Variants in APPBP2 observed in about 807,000 individuals in gnomAD.
APPBP2 encodes amyloid beta precursor protein binding protein 2.
In APPBP2, 15 loss-of-function variants were observed where a neutral mutation model predicts 76.0. The observed-to-expected ratio is 0.20, with a 90% CI of 0.13 to 0.30. The LOEUF (loss-of-function observed/expected upper bound fraction) is 0.30, where lower values mean the gene tolerates loss of function less well. APPBP2 is among the 10% of genes least tolerant of loss of function. The pLI is 1.00. For missense variants in APPBP2, 401 were observed against 687.2 expected (o/e 0.58, Z 4.66); for synonymous variants, 222 against 242.2 (o/e 0.92, Z 0.77).
chr17:60,465,829 CT>C (rs1169468939), intron 5 of APPBP2, among the ~76,000 whole-genome samples: 1 of 152,134 alleles, frequency 6.6e-6, no homozygotes, highest in Non-Finnish European at 1.5e-5. Context: ...ACAAACACTC[CT>C]TTTGCCTGAT....
chr17:60,516,691 G>A (rs1345877687), intron 1 of APPBP2, among the ~76,000 whole-genome samples: 2 of 152,318 alleles, frequency 1.3e-5, no homozygotes, highest in African/African-American at 4.8e-5. Context: ...ATTCATAAGT[G>A]TATATATCTT....
At chr17:60,522,478 C>T (rs1263412741) in intron 1 of APPBP2, among the ~76,000 whole-genome samples, 1 of 152,124 alleles carries the variant, frequency 6.6e-6, no homozygotes, top group Non-Finnish European at 1.5e-5. Flanking sequence ...CATGCACCAC[C>T]ATGCCTGGAT....
chr17:60,486,139 T>A (rs538615650), intron 3 of APPBP2, among the ~76,000 whole-genome samples: 3 of 152,198 alleles, frequency 2.0e-5, no homozygotes, highest in Non-Finnish European at 4.4e-5. Context: ...AATTTTGGAA[T>A]AAGTACGATG....
chr17:60,504,323 T>C (rs1222476638), intron 1 of APPBP2, among the ~76,000 whole-genome samples: 1 of 152,124 alleles, frequency 6.6e-6, no homozygotes, highest in Non-Finnish European at 1.5e-5. Flanking sequence ...TATACAGTTA[T>C]GAAGATAGAT....
At chr17:60,522,505 T>G (rs1428757374) in intron 1 of APPBP2, among the ~76,000 whole-genome samples, 1 of 152,076 alleles carries the variant, frequency 6.6e-6, no homozygotes, top group Non-Finnish European at 1.5e-5. Flanking sequence ...TTCTACTTTT[T>G]GTAGAGAAGG....
intron 9 of APPBP2, among the ~76,000 whole-genome samples, chr17:60,457,757 T>G (rs182785977): frequency 1.3e-5 from 2 of 152,244 alleles, no homozygotes; most frequent in Non-Finnish European, 2.9e-5. Flanking sequence ...TGTCAATGAC[T>G]ATTTCCATTT....
At chr17:60,490,036 GAAAAC>G (rs113547899) in intron 3 of APPBP2, among the ~76,000 whole-genome samples, 12,704 of 151,410 alleles carry the variant, frequency 0.084, 1,733 homozygotes, top group African/African-American at 0.29. Flanking sequence ...CTCCATCTCA[GAAAAC>G]AAAACAAAAC....
At chr17:60,460,487 T>A in intron 9 of APPBP2, 176 bp downstream of exon 9, 1 of 570,362 alleles carries the variant, frequency 1.8e-6, no homozygotes, top group Non-Finnish European at 2.6e-6. Context: ...ACTGGTATGA[T>A]TTTAAATGAC....
At chr17:60,460,049 C>T (rs576379230) in intron 9 of APPBP2, 1 of 151,908 alleles carries the variant, frequency 6.6e-6, no homozygotes, top group Non-Finnish European at 1.5e-5. Flanking sequence ...GTGTTATCAC[C>T]AAGAAGTTTT....
intron 12 of APPBP2, among the ~76,000 whole-genome samples, chr17:60,449,367 A>T (rs1012479122): frequency 1.3e-5 from 2 of 152,182 alleles, no homozygotes; most frequent in African/African-American, 4.8e-5. Flanking sequence ...CCAGGCGGGC[A>T]GGCTGCCTGA....
At position 60,461,791 on chromosome 17, in the gene APPBP2, A is replaced by C; in HGVS notation, c.936+19T>G. 1 of 1,545,752 alleles carries C rather than the reference A, an allele frequency of 6.5e-7. No individual in the cohort carries two copies. Among genetic ancestry groups the C allele is most frequent in the Non-Finnish European group, 8.8e-7 (1 of 1,130,354 alleles). ...AGTCAATACAGGTTGAAAGAAAAAA[A>C]GGGTAACCATTAACATACCTGATAA... On this transcript the variant is annotated intron_variant, in intron 8 of 12. Transcript: ENST00000083182.
chr17:60,500,503 A>G lies in APPBP2; in HGVS notation c.139-16T>C, dbSNP rs766330123. The G allele has an allele frequency of 1.3e-6, 2 of 1,572,564 alleles. No individual in the cohort carries two copies. The highest frequency in any genetic ancestry group is 4.0e-5 in the Admixed American group (2 of 50,238). On this transcript the variant is annotated splice_polypyrimidine_tract_variant and intron_variant, in intron 1 of 12. Coordinates refer to ENST00000083182, the MANE Select transcript of APPBP2 (RefSeq NM_006380.5). ...GTTGGTAAAGCTGAAATAAAAAACA[A>G]ATGATTTAAAAATTTTGCAATTTAA... is the stretch of plus-strand genomic sequence containing the variant.
intron 3 of APPBP2, among the ~76,000 whole-genome samples, chr17:60,485,877 C>T (rs1474824435): frequency 2.6e-5 from 4 of 152,150 alleles, no homozygotes; most frequent in Non-Finnish European, 4.4e-5. Context: ...TTAAATGTGT[C>T]CCAGAGATTC....
At chr17:60,525,113 G>GT (rs376711617) in intron 1 of APPBP2, among the ~76,000 whole-genome samples, 146 of 152,258 alleles carry the variant, frequency 9.6e-4, no homozygotes, top group African/African-American at 3.1e-3. Context: ...AATCTAAAGT[G>GT]TTTTTTTCTT....
At position 60,451,894 on chromosome 17, in the gene APPBP2, C is replaced by A; in HGVS notation, c.1490G>T (p.Arg497Leu). 1 of 1,606,800 alleles carries A rather than the reference C, an allele frequency of 6.2e-7. No individual in the cohort carries two copies. Residue 497 changes from arginine (R) to leucine (L), a missense_variant, in exon 12 of 13, where the codon CGA becomes CTA. Around this residue, in one of 5 missense-constraint regions of APPBP2, gnomAD observed 130 missense variants for 322.7 expected, o/e 0.40. Coordinates refer to ENST00000083182, the MANE Select transcript of APPBP2 (RefSeq NM_006380.5). ...QYENAEKLYL[R>L]SIAIGKKLFG... ...ATGTAACATACCAATTGCTATAGATCGCAAATAAAGTTTCTCAGCATTTTC... is the reference window on the plus strand; with the variant it reads ...ATGTAACATACCAATTGCTATAGATAGCAAATAAAGTTTCTCAGCATTTTC...
In APPBP2 at chr17:60,500,414, C is replaced by G. The variant is rs1269972377; in HGVS notation, c.212G>C (p.Arg71Thr). 6.2e-7 allele frequency: 1 copy of G among 1,607,430 alleles called. No homozygotes were observed. Among genetic ancestry groups the G allele is most frequent in the Admixed American group, 1.7e-5 (1 of 59,480 alleles). The change falls in exon 2 of 13, where the codon AGA becomes ACA. Residue 71 changes from arginine to threonine, a missense_variant. Coordinates refer to ENST00000083182, the MANE Select transcript of APPBP2 (RefSeq NM_006380.5). ...CELEVFAKVL[R>T]ALDKRHLLHH... ...AAGAATTTACCTTTTATCCAAAGCT[C>G]TCAGTACTTTAGCAAAAACTTCCAA...
intron 2 of APPBP2, among the ~76,000 whole-genome samples, chr17:60,494,937 G>GT (rs2090761048): frequency 6.7e-6 from 1 of 148,320 alleles, no homozygotes; most frequent in Admixed American, 6.7e-5. Context: ...ACATAACCCA[G>GT]TTTTTAAAAG....
rs973911526 is a variant in APPBP2, at chr17:60,444,673, G to C, written c.*2908C>G. The C allele has an allele frequency of 1.3e-5, 2 of 152,226 alleles. No individual in the cohort carries two copies. The highest frequency in any genetic ancestry group is 6.6e-5 in the Admixed American group (1 of 15,236). 9.4% of individuals were successfully genotyped at this position (152,226 alleles called of 1,614,324 possible). On this transcript the variant is annotated 3_prime_UTR_variant, in exon 13 of 13. Transcript: ENST00000083182. ...CAATCCCTTTGGCAAAGTCAGCTTT[G>C]AGGATCCATAAAGATTATGCTCTAA...
rs143041663 is a variant in APPBP2, at chr17:60,522,967, T to A, written c.138+2827A>T. 2.4e-3 allele frequency among the ~76,000 whole-genome samples: 361 copies of A among 152,190 alleles called. 2 individuals are homozygous for A. The highest frequency in any genetic ancestry group is 8.2e-3 in the African/African-American group (342 of 41,512). On this transcript the variant is annotated intron_variant, in intron 1 of 12. Transcript: ENST00000083182. ...AACATTCCTGCTTCTTTACCTTCCA[T>A]TCATTCCATAACCCCATCTCCTAAT...
Sources: allele counts gnomAD v4.1 joint callset (sites outside exome capture counted in the v4.1 genomes callset), GRCh38; gene constraint gnomAD v4.1.1; regional missense constraint gnomAD v4.1.1; transcripts MANE v1.5; gene names NCBI Gene and HGNC (gene_info 2026-07-23, HGNC 2026-07-21).